NCKAP5: variants seen among roughly 807,000 people sequenced by gnomAD.
The protein encoded by NCKAP5 is NCK associated protein 5.
NCKAP5 carries 92 observed loss-of-function variants against 167.0 expected under a neutral mutation model. The ratio of observed to expected loss-of-function variants is 0.55; its 90% CI spans 0.47 to 0.66. NCKAP5 has a LOEUF of 0.66. Among genes scored for constraint, NCKAP5 ranks in the 30% least tolerant of loss-of-function variants. The pLI, the probability that NCKAP5 is intolerant of heterozygous loss-of-function variation, is 0.00. For missense variants in NCKAP5, 2,378 were observed against 2,315.0 expected (o/e 1.03, Z -0.56); for synonymous variants, 891 against 877.4 (o/e 1.02, Z -0.27).
intron 3 of NCKAP5, among the ~76,000 whole-genome samples, chr2:133,324,974 C>A (rs1682331256): frequency 6.6e-6 from 1 of 152,184 alleles, no homozygotes; most frequent in Non-Finnish European, 1.5e-5. Context: ...TCCTAAAGTG[C>A]TGGGATTGCA....
chr2:132,860,411 A>T (rs1689800824), intron 11 of NCKAP5, 81 bp downstream of exon 11: 1 of 1,452,338 alleles, frequency 6.9e-7, no homozygotes, highest in African/African-American at 1.4e-5. Flanking sequence ...GCTCATGAAG[A>T]TGTTGCTAAC....
intron 3 of NCKAP5, among the ~76,000 whole-genome samples, chr2:133,431,394 C>T (rs1199058894): frequency 2.0e-5 from 3 of 152,010 alleles, no homozygotes; most frequent in Non-Finnish European, 2.9e-5. Context: ...AATCACCACC[C>T]ACTCTGGACT....
chr2:132,928,958 CCAAAACAAAACAAAA>C (rs71398578), intron 8 of NCKAP5, among the ~76,000 whole-genome samples: 6,655 of 148,666 alleles, frequency 0.045, 424 homozygotes, highest in African/African-American at 0.15. Flanking sequence ...CCCTTCTCTA[CCAAAACAAAACAAAA>C]CAAAACAAAA....
chr2:132,914,825 G>A (rs1694737047), intron 8 of NCKAP5, among the ~76,000 whole-genome samples: 1 of 151,958 alleles, frequency 6.6e-6, no homozygotes, highest in Non-Finnish European at 1.5e-5. Context: ...AGCCTATCAG[G>A]AGGAAGTGTG....
chr2:133,235,663 G>A (rs2087371397), intron 4 of NCKAP5, among the ~76,000 whole-genome samples: 1 of 152,038 alleles, frequency 6.6e-6, no homozygotes, highest in South Asian at 2.1e-4. Flanking sequence ...CAGCATGTTG[G>A]GAGGCCGAGG....
At chr2:133,407,802 G>C (rs144986426) in intron 3 of NCKAP5, among the ~76,000 whole-genome samples, 13 of 152,344 alleles carry the variant, frequency 8.5e-5, no homozygotes, top group African/African-American at 3.1e-4. Flanking sequence ...TCAGCTATCA[G>C]TAAACAAACA....
At chr2:133,204,617 C>T (rs1029920430) in intron 5 of NCKAP5, among the ~76,000 whole-genome samples, 2 of 152,104 alleles carry the variant, frequency 1.3e-5, no homozygotes, top group African/African-American at 4.8e-5. Context: ...AGCCACGTTT[C>T]GCATATGTTA....
intron 4 of NCKAP5, among the ~76,000 whole-genome samples, chr2:133,251,553 AT>A (rs71948263): frequency 0.19 from 29,063 of 152,134 alleles, 3,436 homozygotes; most frequent in African/African-American, 0.35. Context: ...ATGCCAAAGT[AT>A]AAAAAAAGCA....
At chr2:132,975,195 C>T (rs2076944590) in intron 7 of NCKAP5, among the ~76,000 whole-genome samples, 1 of 152,200 alleles carries the variant, frequency 6.6e-6, no homozygotes, top group East Asian at 1.9e-4. Flanking sequence ...GTACTACTGT[C>T]AGGCAAAACA....
At chr2:133,483,173 T>C (rs1680607658) in intron 3 of NCKAP5, among the ~76,000 whole-genome samples, 1 of 152,166 alleles carries the variant, frequency 6.6e-6, no homozygotes, top group South Asian at 2.1e-4. Context: ...AATACACAAG[T>C]ATATCCCTGA....
intron 8 of NCKAP5, among the ~76,000 whole-genome samples, chr2:132,882,926 C>T (rs1057477834): frequency 3.9e-5 from 6 of 152,118 alleles, no homozygotes; most frequent in South Asian, 2.1e-4. Context: ...TGATTACAGG[C>T]TCACACCTAT....
intron 5 of NCKAP5, among the ~76,000 whole-genome samples, chr2:133,197,517 C>G (rs1436922323): frequency 6.6e-6 from 1 of 151,902 alleles, no homozygotes; most frequent in East Asian, 1.9e-4. Flanking sequence ...CAAAATCACT[C>G]AACATATGAA....
the NCKAP5 span, among the ~76,000 whole-genome samples, chr2:133,626,724 C>A: frequency 6.6e-6 from 1 of 151,706 alleles, no homozygotes; most frequent in East Asian, 1.9e-4. Context: ...TTTTAAATAA[C>A]CTGGAAGTAG....
intron 6 of NCKAP5, among the ~76,000 whole-genome samples, chr2:133,077,909 C>T (rs1376349885): frequency 6.6e-6 from 1 of 152,168 alleles, no homozygotes; most frequent in African/African-American, 2.4e-5. Context: ...TTTTCCATCT[C>T]ACCAAATGGA....
the NCKAP5 span, among the ~76,000 whole-genome samples, chr2:133,580,784 C>T: frequency 6.6e-6 from 1 of 152,144 alleles, no homozygotes; most frequent in South Asian, 2.1e-4. Context: ...AAGCTTCCAT[C>T]CCAAATACAA....
chr2:133,660,710 C>G, the NCKAP5 span, among the ~76,000 whole-genome samples: 252 of 152,012 alleles, frequency 1.7e-3, 1 homozygote, highest in African/African-American at 5.9e-3. Context: ...TGAGTCAGCT[C>G]GATGCACATG....
the NCKAP5 span, among the ~76,000 whole-genome samples, chr2:133,594,385 C>T: frequency 7.9e-5 from 12 of 152,168 alleles, no homozygotes; most frequent in Non-Finnish European, 1.6e-4. Flanking sequence ...TCTTGGCACT[C>T]CCTGACATGC....
At chr2:133,359,125 T>G (rs574286971) in intron 3 of NCKAP5, among the ~76,000 whole-genome samples, 1 of 152,196 alleles carries the variant, frequency 6.6e-6, no homozygotes, top group South Asian at 2.1e-4. Context: ...GAAAGAAACA[T>G]TGACATTCCT....
intron 6 of NCKAP5, among the ~76,000 whole-genome samples, chr2:133,006,309 C>A (rs767594423): frequency 8.6e-5 from 13 of 152,034 alleles, no homozygotes; most frequent in Non-Finnish European, 1.3e-4. Flanking sequence ...AAAAAGATTT[C>A]TTCTCTTAAT....
Sources: gnomAD v4.1 joint callset for allele counts (sites outside exome capture counted in the v4.1 genomes callset) on GRCh38, gnomAD v4.1.1 for gene constraint, MANE v1.5 for transcripts, NCBI Gene and HGNC (gene_info 2026-07-23, HGNC 2026-07-21) for gene names.